RAPGEF1: variants seen among roughly 807,000 people sequenced by gnomAD.
RAPGEF1 encodes the protein CRK SH3-binding GNRP.
RAPGEF1 carries 33 observed loss-of-function variants against 143.3 expected under a neutral mutation model. That is an observed-to-expected ratio of 0.23 (90% confidence interval 0.17 to 0.31). The LOEUF is 0.31. RAPGEF1 is among the 10% of genes least tolerant of loss of function. RAPGEF1 has a pLI of 1.00. For synonymous variants in RAPGEF1, 629 were observed against 676.5 expected, an observed-to-expected ratio of 0.93 and a Z score of 1.09; for missense variants, 1,199 against 1,645.4, an observed-to-expected ratio of 0.73 and a Z score of 4.69.
At chr9:131,660,021 T>C (rs1184449651) in intron 1 of RAPGEF1, among the ~76,000 whole-genome samples, 1 of 152,172 alleles carries the variant, frequency 6.6e-6, no homozygotes, top group Admixed American at 6.5e-5. Context: ...GGTTTCACCG[T>C]GTTAGCCAGG....
intron 1 of RAPGEF1, among the ~76,000 whole-genome samples, chr9:131,731,343 C>G (rs1837060466): frequency 6.6e-6 from 1 of 152,184 alleles, no homozygotes; most frequent in South Asian, 2.1e-4. Context: ...TTCCATGACT[C>G]ATGAACAATC....
intron 20 of RAPGEF1, among the ~76,000 whole-genome samples, chr9:131,588,508 T>C (rs1953591244): frequency 6.6e-6 from 1 of 152,198 alleles, no homozygotes; most frequent in South Asian, 2.1e-4. Flanking sequence ...GCCATGTTCG[T>C]GCTGGGACAA....
intron 1 of RAPGEF1, among the ~76,000 whole-genome samples, chr9:131,672,227 ACCCCGG>A (rs1485346608): frequency 6.6e-6 from 1 of 152,250 alleles, no homozygotes; most frequent in African/African-American, 2.4e-5. Flanking sequence ...AAGCTTTTTG[ACCCCGG>A]TAAGAAACGT....
Position 131,614,812 on chromosome 9 carries a change from C to T in RAPGEF1, c.2061+4239G>A, listed in dbSNP as rs569751446. ...AAATTAAAGTCCTCAAGATGATACA[C>T]ACTTAACTCTCTTAGCCTGAAGTTT... is the stretch of plus-strand genomic sequence containing the variant. On this transcript the variant is annotated intron_variant, in intron 12 of 26. Coordinates refer to ENST00000683357, the MANE Select transcript of RAPGEF1 (RefSeq NM_001377935.1). 2.0e-5 allele frequency among the ~76,000 whole-genome samples: 3 copies of T among 151,800 alleles called. No homozygotes were observed. In the South Asian group the frequency reaches 6.3e-4, roughly 32 times the overall value.
At chr9:131,687,251 C>G (rs1235953868) in intron 1 of RAPGEF1, among the ~76,000 whole-genome samples, 1 of 152,208 alleles carries the variant, frequency 6.6e-6, no homozygotes, top group Non-Finnish European at 1.5e-5. Flanking sequence ...AATGCAGCGG[C>G]ACGATCTCAG....
intron 1 of RAPGEF1, among the ~76,000 whole-genome samples, chr9:131,673,141 G>C (rs1187464400): frequency 6.6e-6 from 1 of 152,140 alleles, no homozygotes; most frequent in African/African-American, 2.4e-5. Context: ...GAGAGGAGTG[G>C]GGTGGGTCAG....
At position 131,603,936 on chromosome 9, in the gene RAPGEF1, C is replaced by G. The variant is rs1386720187; in HGVS notation, c.2412+25G>C. The G allele has an allele frequency of 4.7e-6, 6 of 1,286,186 alleles. No individual in the cohort carries two copies. In the Admixed American group the frequency reaches 1.4e-4, roughly 29 times the overall value. 79.7% of individuals were successfully genotyped at this position (1,286,186 alleles called of 1,614,324 possible). On this transcript the variant is annotated intron_variant, in intron 14 of 26. Coordinates refer to ENST00000683357, the MANE Select transcript of RAPGEF1 (RefSeq NM_001377935.1). Reference sequence around the variant, plus strand: ...AAGCCCCACCAGGCCAGGCCACATGCAGGAGGCCGCCCGAGGTTACTTACT... The same window carrying G: ...AAGCCCCACCAGGCCAGGCCACATGGAGGAGGCCGCCCGAGGTTACTTACT...
chr9:131,733,374 G>GGA (rs1554739686), intron 1 of RAPGEF1, among the ~76,000 whole-genome samples: 3 of 129,330 alleles, frequency 2.3e-5, no homozygotes, highest in Non-Finnish European at 5.0e-5. Context: ...GCGGGGGGGG[G>GGA]GGTGGTGCGG....
At chr9:131,631,067 T>G (rs1231147638) in intron 5 of RAPGEF1, among the ~76,000 whole-genome samples, 1 of 152,108 alleles carries the variant, frequency 6.6e-6, no homozygotes, top group Non-Finnish European at 1.5e-5. Flanking sequence ...CCAGCCAATC[T>G]GCCCCGCCCC....
chr9:131,607,621 A>C (rs866912405), intron 12 of RAPGEF1, among the ~76,000 whole-genome samples: 22 of 152,226 alleles, frequency 1.4e-4, no homozygotes, highest in African/African-American at 4.6e-4. Flanking sequence ...TGACTGTTTC[A>C]GGGAGTGGCT....
At chr9:131,642,853 A>G (rs927533244) in intron 4 of RAPGEF1, among the ~76,000 whole-genome samples, 5 of 152,194 alleles carry the variant, frequency 3.3e-5, no homozygotes, top group African/African-American at 9.7e-5. Context: ...CGATGAGTGG[A>G]AACAGTAGCT....
chr9:131,596,737 AC>A lies in RAPGEF1; in HGVS notation c.2614-365del, dbSNP rs577842057. 3.2e-3 allele frequency among the ~76,000 whole-genome samples: 491 copies of A among 151,604 alleles called. 2 individuals are homozygous for A. The highest frequency in any genetic ancestry group is 0.011 in the African/African-American group (466 of 41,270). On this transcript the variant is annotated intron_variant, in intron 16 of 26. Coordinates refer to ENST00000683357, the MANE Select transcript of RAPGEF1 (RefSeq NM_001377935.1). ...AACCACAAGTCAGAGGTGAGGTAGG[AC>A]CCCCTGGGGGCAAGACAGTCCCCAG...
intron 1 of RAPGEF1, among the ~76,000 whole-genome samples, chr9:131,661,461 G>C (rs1160628235): frequency 2.0e-5 from 3 of 152,210 alleles, no homozygotes; most frequent in African/African-American, 7.2e-5. Context: ...ACATGAAGCA[G>C]TGGGCTTCTG....
intron 1 of RAPGEF1, among the ~76,000 whole-genome samples, chr9:131,662,397 T>C (rs748879023): frequency 6.6e-6 from 1 of 152,208 alleles, no homozygotes; most frequent in Non-Finnish European, 1.5e-5. Context: ...ATTTTATTTT[T>C]TGAGACAGGG....
At chr9:131,639,711 C>A (rs1367639352) in intron 4 of RAPGEF1, among the ~76,000 whole-genome samples, 1 of 151,524 alleles carries the variant, frequency 6.6e-6, no homozygotes, top group East Asian at 1.9e-4. Flanking sequence ...TCCTCTACTC[C>A]AAAAAAACAC....
chr9:131,699,678 A>C (rs1057224182), intron 1 of RAPGEF1, among the ~76,000 whole-genome samples: 2 of 152,082 alleles, frequency 1.3e-5, no homozygotes, highest in Admixed American at 6.5e-5. Flanking sequence ...CCTCCTCAGG[A>C]ACACTTTCTG....
At chr9:131,613,641 G>A (rs149483122) in intron 12 of RAPGEF1, among the ~76,000 whole-genome samples, 1,952 of 152,306 alleles carry the variant, frequency 0.013, 15 homozygotes, top group Non-Finnish European at 0.019. Flanking sequence ...GGACAAGAGT[G>A]AATGGGCACT....
chr9:131,715,863 CAAAAAAAAAA>C (rs145340457), intron 1 of RAPGEF1, among the ~76,000 whole-genome samples: 9 of 72,516 alleles, frequency 1.2e-4, no homozygotes, highest in African/African-American at 3.2e-4. Context: ...GACTCCCTCT[CAAAAAAAAAA>C]AAAAAAAAAA....
At chr9:131,730,420 C>T (rs1390718695) in intron 1 of RAPGEF1, among the ~76,000 whole-genome samples, 1 of 151,910 alleles carries the variant, frequency 6.6e-6, no homozygotes, top group Non-Finnish European at 1.5e-5. Flanking sequence ...TGGCTCACAC[C>T]TGTAATCCCA....
Sources: gnomAD v4.1 joint callset for allele counts (sites outside exome capture counted in the v4.1 genomes callset) on GRCh38, gnomAD v4.1.1 for gene constraint, MANE v1.5 for transcripts, NCBI Gene and HGNC (gene_info 2026-07-23, HGNC 2026-07-21) for gene names.